MAGI1: variants seen among roughly 807,000 people sequenced by gnomAD.
MAGI1 encodes membrane associated guanylate kinase, WW and PDZ domain containing 1, also known as membrane-associated guanylate kinase, WW and PDZ domain-containing protein 1.
MAGI1 carries 58 observed loss-of-function variants against 139.9 expected under a neutral mutation model. The ratio of observed to expected loss-of-function variants is 0.41; its 90% confidence interval spans 0.34 to 0.52. MAGI1 has a LOEUF of 0.52. MAGI1 is among the 20% of genes least tolerant of loss of function. The pLI, the probability that MAGI1 is intolerant of heterozygous loss-of-function variation, is 0.12. For synonymous variants in MAGI1, 812 were observed against 737.9 expected, an observed-to-expected ratio of 1.10 and a Z score of -1.63; for missense variants, 1,874 against 1,901.6, an observed-to-expected ratio of 0.99 and a Z score of 0.27.
intron 1 of MAGI1, among the ~76,000 whole-genome samples, chr3:65,942,656 A>G (rs1170747866): frequency 6.6e-6 from 1 of 152,216 alleles, no homozygotes; most frequent in African/African-American, 2.4e-5. Flanking sequence ...TCATCCATAA[A>G]GGCAGATAAT....
chr3:65,766,724 T>C (rs2037508874), intron 1 of MAGI1, among the ~76,000 whole-genome samples: 1 of 152,002 alleles, frequency 6.6e-6, no homozygotes, highest in Non-Finnish European at 1.5e-5. Context: ...ACCCTGTCTC[T>C]ACTAAAAATA....
intron 1 of MAGI1, among the ~76,000 whole-genome samples, chr3:65,810,676 G>A (rs2041169630): frequency 1.3e-5 from 2 of 152,206 alleles, no homozygotes; most frequent in Non-Finnish European, 2.9e-5. Context: ...GCTCTCCCTT[G>A]GAGCTCTTGC....
chr3:65,798,404 A>T (rs74953640), intron 1 of MAGI1, among the ~76,000 whole-genome samples: 1 of 152,144 alleles, frequency 6.6e-6, no homozygotes, highest in Non-Finnish European at 1.5e-5. Context: ...CCCGGGAAAC[A>T]TAAGTCATCA....
intron 2 of MAGI1, among the ~76,000 whole-genome samples, chr3:65,497,295 G>A (rs950201920): frequency 6.6e-6 from 1 of 152,098 alleles, no homozygotes; most frequent in Non-Finnish European, 1.5e-5. Context: ...TTAACTTTTC[G>A]AAGATGAGAA....
At chr3:65,812,456 T>TCA (rs1347889249) in intron 1 of MAGI1, among the ~76,000 whole-genome samples, 2 of 106,738 alleles carry the variant, frequency 1.9e-5, no homozygotes, top group African/African-American at 8.0e-5. Context: ...TCTCTCTCTC[T>TCA]CTCTCTCTCT....
intron 1 of MAGI1, among the ~76,000 whole-genome samples, chr3:66,004,753 G>T (rs1003663910): frequency 1.3e-5 from 2 of 152,136 alleles, no homozygotes; most frequent in African/African-American, 4.8e-5. Flanking sequence ...CATGAACAAG[G>T]TAAGTCCAAA....
intron 2 of MAGI1, among the ~76,000 whole-genome samples, chr3:65,512,483 G>A (rs1478877836): frequency 1.8e-4 from 27 of 149,014 alleles, no homozygotes; most frequent in South Asian, 8.7e-4. Flanking sequence ...TATCACCACC[G>A]ATCCCACAGA....
chr3:65,993,183 C>T (rs2066269584), intron 1 of MAGI1, among the ~76,000 whole-genome samples: 1 of 152,170 alleles, frequency 6.6e-6, no homozygotes, highest in African/African-American at 2.4e-5. Flanking sequence ...TCCCATTTAA[C>T]TGAGAGCCAT....
rs73835439 is a variant in MAGI1, at chr3:65,966,347, T to A, written c.313+71649A>T. 8.8e-3 allele frequency among the ~76,000 whole-genome samples: 1,343 copies of A among 152,328 alleles called. 38 individuals carry two copies. The East Asian group carries it at 0.1, about 12-fold the overall frequency. On this transcript the variant is annotated intron_variant, in intron 1 of 22. Transcript: ENST00000402939. ...CAAGGTGTTCTCTCTTCTGCAAGAC[T>A]GACTTTTCAATAGCTAAAAGTTACA... is the stretch of plus-strand genomic sequence containing the variant.
At chr3:65,705,488 C>T (rs2030070127) in intron 1 of MAGI1, among the ~76,000 whole-genome samples, 1 of 152,126 alleles carries the variant, frequency 6.6e-6, no homozygotes, top group Non-Finnish European at 1.5e-5. Context: ...GTGAATTTTA[C>T]CCTGATTTGT....
At chr3:65,532,744 T>C (rs570292138) in intron 2 of MAGI1, 7 of 152,238 alleles carry the variant, frequency 4.6e-5, no homozygotes, top group Admixed American at 6.5e-5. Flanking sequence ...CAGCTCTAGG[T>C]TACTTACCTT....
At chr3:65,627,644 A>T (rs933226656) in intron 1 of MAGI1, among the ~76,000 whole-genome samples, 1 of 151,380 alleles carries the variant, frequency 6.6e-6, no homozygotes, top group Non-Finnish European at 1.5e-5. Context: ...AGCAGCTGGG[A>T]CTACAGGTGA....
intron 1 of MAGI1, among the ~76,000 whole-genome samples, chr3:65,777,069 G>A (rs1344284355): frequency 6.6e-6 from 1 of 152,190 alleles, no homozygotes; most frequent in Non-Finnish European, 1.5e-5. Context: ...TAGATGGACT[G>A]TAGGGTAAGT....
chr3:65,867,122 G>A (rs907932124), intron 1 of MAGI1, among the ~76,000 whole-genome samples: 1 of 152,156 alleles, frequency 6.6e-6, no homozygotes, highest in Non-Finnish European at 1.5e-5. Flanking sequence ...CTCTCACAAG[G>A]TTGTTGTGAA....
At position 65,661,144 on chromosome 3, in the gene MAGI1, G is replaced by A. The variant is rs891882599; in HGVS notation, c.314-39056C>T. 2.0e-5 allele frequency among the ~76,000 whole-genome samples: 3 copies of A among 152,158 alleles called. No individual in the cohort carries two copies. In the East Asian group the frequency reaches 5.8e-4, roughly 29 times the overall value. On this transcript the variant is annotated intron_variant, in intron 1 of 22. Coordinates refer to ENST00000402939, the MANE Select transcript of MAGI1 (RefSeq NM_001033057.2). The stretch of plus-strand genomic sequence containing the variant: ...ATATTCTTACACATATTTGCTCACA[G>A]GATGGTGTATAACTAGATTAATTGT...
chr3:65,873,448 T>C (rs1479880000), intron 1 of MAGI1: 7 of 152,380 alleles, frequency 4.6e-5, no homozygotes, highest in African/African-American at 1.7e-4. Flanking sequence ...TGATGCTTTT[T>C]ACTTGGTACA....
chr3:65,453,647 C>T lies in MAGI1; in HGVS notation c.960-307G>A, dbSNP rs4405856. 3.3e-3 allele frequency among the ~76,000 whole-genome samples: 499 copies of T among 152,190 alleles called. 2 individuals are homozygous for T. The highest frequency in any genetic ancestry group is 0.012 in the African/African-American group (486 of 41,536). On this transcript the variant is annotated intron_variant, in intron 5 of 22. Coordinates refer to ENST00000402939, the MANE Select transcript of MAGI1 (RefSeq NM_001033057.2). ...ATACCCCTTGCGTATACCATCTACCCTTGTCTAGATTATTTTAGGCTTTGC... is the reference window on the plus strand; with the variant it reads ...ATACCCCTTGCGTATACCATCTACCTTTGTCTAGATTATTTTAGGCTTTGC...
intron 1 of MAGI1, among the ~76,000 whole-genome samples, chr3:65,797,529 C>G (rs2040227248): frequency 6.6e-6 from 1 of 152,052 alleles, no homozygotes; most frequent in Non-Finnish European, 1.5e-5. Flanking sequence ...TCGAGACCAG[C>G]CTGGGCAACA....
At chr3:65,816,532 G>C (rs11713523) in intron 1 of MAGI1, among the ~76,000 whole-genome samples, 6 of 151,980 alleles carry the variant, frequency 3.9e-5, no homozygotes, top group African/African-American at 1.4e-4. Context: ...CGTAAACAAA[G>C]TGGCAAGTAC....
Sources: gnomAD v4.1 joint callset for allele counts (sites outside exome capture counted in the v4.1 genomes callset) on GRCh38, gnomAD v4.1.1 for gene constraint, MANE v1.5 for transcripts, NCBI Gene and HGNC (gene_info 2026-07-23, HGNC 2026-07-21) for gene names.